The following SPTA1 variants were observed in gnomAD, a reference collection of about 807,000 sequenced individuals.
The protein encoded by SPTA1 is spectrin alpha chain, erythrocytic 1.
SPTA1 carries 177 observed loss-of-function variants against 324.7 expected under a neutral mutation model. The ratio of observed to expected loss-of-function variants is 0.55; its 90% CI spans 0.48 to 0.62. The LOEUF (loss-of-function observed/expected upper bound fraction) is 0.62, where lower values mean the gene tolerates loss of function less well. Ranked by LOEUF, SPTA1 falls within the 20% of genes least tolerant of loss-of-function variation. The pLI, the probability that SPTA1 is intolerant of heterozygous loss-of-function variation, is 0.00. For synonymous variants in SPTA1, 1,195 were observed against 1,041.3 expected, an observed-to-expected ratio of 1.15 and a Z score of -2.84; for missense variants, 3,162 against 2,883.6, an observed-to-expected ratio of 1.10 and a Z score of -2.21.
At chr1:158,633,691 G>C (rs945722238) in intron 39 of SPTA1, among the ~76,000 whole-genome samples, 1 of 146,608 alleles carries the variant, frequency 6.8e-6, no homozygotes, top group African/African-American at 2.5e-5. Flanking sequence ...AAAGAAAAAA[G>C]AAAAAGTTCT....
rs73020277 is a variant in SPTA1, at chr1:158,679,533, G to C, written c.679-999C>G. Among the ~76,000 whole-genome samples, 911 of 152,112 alleles carry C rather than the reference G, an allele frequency of 6.0e-3. 8 individuals are homozygous for C. The highest frequency in any genetic ancestry group is 0.021 in the African/African-American group (857 of 41,506). Reference sequence around the variant, plus strand: ...GTAACACTGGTATGTAAGAAGCATGGTCTACTGCATGATGAGAGGTCACCC... The same window carrying C: ...GTAACACTGGTATGTAAGAAGCATGCTCTACTGCATGATGAGAGGTCACCC... On this transcript the variant is annotated intron_variant, in intron 5 of 51. Transcript: ENST00000643759.
chr1:158,685,069 T>C (rs1478840623), intron 2 of SPTA1, 39 bp downstream of exon 2: 3 of 1,612,908 alleles, frequency 1.9e-6, no homozygotes, highest in Non-Finnish European at 2.5e-6. Flanking sequence ...TCTAGAGATC[T>C]TAGGGTCTGC....
chr1:158,630,050 T>C (rs1320481993), intron 39 of SPTA1, among the ~76,000 whole-genome samples: 1 of 152,014 alleles, frequency 6.6e-6, no homozygotes, highest in Non-Finnish European at 1.5e-5. Flanking sequence ...GAAGATTTAA[T>C]ATTGTTAAAA....
At chr1:158,665,200 G>T (rs544691365) in intron 16 of SPTA1, among the ~76,000 whole-genome samples, 9 of 152,006 alleles carry the variant, frequency 5.9e-5, no homozygotes, top group Admixed American at 2.6e-4. Flanking sequence ...TGCTTTTAAA[G>T]AAAAAAATTA....
rs773923538 is a variant in SPTA1 at position 158,611,344 on chromosome 1, G to T, written c.7180C>A (p.Gln2394Lys). The T allele has an allele frequency of 6.2e-7, 1 of 1,613,730 alleles. No individual in the cohort carries two copies. Among genetic ancestry groups the T allele is most frequent in the South Asian group, 1.1e-5 (1 of 91,082 alleles). ...QVSFCATHMQQYMDPRGRSHL... is the reference protein window; with the variant it reads ...QVSFCATHMQKYMDPRGRSHL... ...CTTCGACCCCGTGGGTCCATATATT[G>T]CTGCATATGTGTGGCACAGAATGAC... The change falls in exon 52 of 52, where the codon CAA becomes AAA. Residue 2394 changes from glutamine (Q) to lysine (K), a missense_variant. By Grantham distance (53) the Gln-to-Lys change is moderately conservative. Transcript: ENST00000643759.
At position 158,626,989 on chromosome 1, in the gene SPTA1, G is replaced by C; in HGVS notation, c.5683C>G (p.Gln1895Glu). The C allele has an allele frequency of 6.2e-7, 1 of 1,613,776 alleles. No homozygotes were observed. Among genetic ancestry groups the C allele is most frequent in the East Asian group, 2.2e-5 (1 of 44,866 alleles). The stretch of plus-strand genomic sequence containing the variant: ...ATCTTGGAAGAAATCTCTTTGTTCT[G>C]ACTTTCCTCCTGCAACACCTGTGAG... ...ILNKVLQEES[Q>E]NKEISSKIEA... is the part of the protein sequence containing the mutation. Residue 1895 changes from glutamine (Q) to glutamate (E), a missense_variant, in exon 41 of 52, where the codon CAG (glutamine) becomes GAG (glutamate). Physicochemically the swap from Gln to Glu is conservative, Grantham distance 29. Coordinates refer to ENST00000643759, the MANE Select transcript of SPTA1 (RefSeq NM_003126.4).
At chr1:158,643,299 T>C (rs367961313) in intron 31 of SPTA1, 23 bp downstream of exon 31, 5 of 1,612,996 alleles carry the variant, frequency 3.1e-6, no homozygotes, top group East Asian at 2.2e-5. Context: ...CTTTGGCACA[T>C]AAAACAATCA....
Position 158,614,172 on chromosome 1 carries a change from G to A in SPTA1, c.6842+81C>T, listed in dbSNP as rs777397777. ...ATTTAAGATTCCACCAAGCCTCACA[G>A]AGTGAGAGAAACATTATTTGTAGAC... On this transcript the variant is annotated intron_variant, in intron 49 of 51. Transcript: ENST00000643759. 4 of 1,142,630 alleles carry A rather than the reference G, an allele frequency of 3.5e-6. No individual in the cohort carries two copies. The African/African-American group carries it at 4.6e-5, about 13-fold the overall frequency. 70.8% of individuals were successfully genotyped at this position (1,142,630 alleles called of 1,614,324 possible). A position where few individuals can be genotyped will look rare whatever the true frequency, so the allele number is the denominator to read the frequency against.
intron 39 of SPTA1, among the ~76,000 whole-genome samples, chr1:158,630,615 C>T (rs1445024909): frequency 1.3e-5 from 2 of 151,492 alleles, no homozygotes; most frequent in African/African-American, 4.8e-5. Context: ...AAAGCACAGG[C>T]AACAAAAAGA....
chr1:158,656,683 G>T, intron 19 of SPTA1, 27 bp from the exon 20 acceptor site: 1 of 1,575,234 alleles, frequency 6.3e-7, no homozygotes, highest in Non-Finnish European at 8.7e-7. Context: ...AAGATCATCA[G>T]AATGAATATA....
intron 16 of SPTA1, 143 bp downstream of exon 16, chr1:158,666,173 A>T: frequency 3.0e-6 from 2 of 674,318 alleles, no homozygotes; most frequent in Non-Finnish European, 5.1e-6. Context: ...CTTAATAATC[A>T]GTGTGCTCAG....
chr1:158,674,458 A>G, intron 9 of SPTA1, 28 bp from the exon 10 acceptor site: 1 of 1,614,048 alleles, frequency 6.2e-7, no homozygotes, highest in Non-Finnish European at 8.5e-7. Flanking sequence ...AGTGTCTCAA[A>G]ATGCAGCAAG....
intron 40 of SPTA1, 40 bp downstream of exon 40, chr1:158,627,585 G>A: frequency 6.3e-7 from 1 of 1,591,582 alleles, no homozygotes; most frequent in Non-Finnish European, 8.6e-7. Flanking sequence ...GTCCCTTTTG[G>A]AGAATGGAAG....
rs773466647 is a variant in SPTA1 at position 158,647,589 on chromosome 1, C to T, written c.3846G>A (p.Lys1282=). The change falls in exon 27 of 52, where the codon AAG becomes AAA. Residue 1282 remains lysine (K), a synonymous_variant. Coordinates refer to ENST00000643759, the MANE Select transcript of SPTA1 (RefSeq NM_003126.4). ...ATTTCTGGGCCTCATTTAGGCTCTC[C>T]TTACGATCCTTTGTACGCCCCTGCA... ...EDLQGRTKDR[K]ESLNEAQKFY... 3.7e-6 allele frequency: 6 copies of T among 1,613,756 alleles called. No homozygotes were observed. The East Asian group carries it at 1.3e-4, about 36-fold the overall frequency.
chr1:158,674,704 A>G, intron 8 of SPTA1, 29 bp from the exon 9 acceptor site: 1 of 1,612,252 alleles, frequency 6.2e-7, no homozygotes, highest in East Asian at 2.2e-5. Context: ...AAAAGACAGG[A>G]AGGAGAAACC....
rs750817685 is a variant in SPTA1 at position 158,685,117 on chromosome 1, A to T, written c.255T>A (p.Thr85=). 4 of 1,613,634 alleles carry T rather than the reference A, an allele frequency of 2.5e-6. No homozygotes were observed. The highest frequency in any genetic ancestry group is 2.7e-5 in the African/African-American group (2 of 75,010). Residue 85 remains threonine (T), a synonymous_variant, in exon 2 of 52, where the codon ACT becomes ACA. Coordinates refer to ENST00000643759, the MANE Select transcript of SPTA1 (RefSeq NM_003126.4). ...ILTDKSYEDP[T]NIQGKYQKHQ... ...AAGAGAACTGAGTGACCTGTATATTAGTTGGGTCTTCATAGCTCTTATCGG... is the reference window on the plus strand; with the variant it reads ...AAGAGAACTGAGTGACCTGTATATTTGTTGGGTCTTCATAGCTCTTATCGG...
rs863931 is a variant in SPTA1, at chr1:158,642,446, A to G, written c.4702T>C (p.Cys1568Arg). 921,240 of 1,613,184 alleles carry G rather than the reference A, an allele frequency of 0.57. 264,753 individuals are homozygous for G. The highest frequency in any genetic ancestry group is 0.67 in the African/African-American group (50,206 of 74,886). The change falls in exon 33 of 52, where the codon TGT (cysteine) becomes CGT (arginine). Residue 1568 changes from cysteine to arginine, a missense_variant. By Grantham distance (180) the Cys-to-Arg change is radical. Coordinates refer to ENST00000643759, the MANE Select transcript of SPTA1 (RefSeq NM_003126.4). ...TCTTCATTGCCATCACAAGCGCTACACTCAATCAGGGAGTTCCCCAGGTTG... is the reference window on the plus strand; with the variant it reads ...TCTTCATTGCCATCACAAGCGCTACGCTCAATCAGGGAGTTCCCCAGGTTG... The part of the protein sequence containing the change: ...VINLGNSLIE[C>R]SACDGNEEAM...
chr1:158,644,667 G>C (rs1651860656), intron 29 of SPTA1, among the ~76,000 whole-genome samples: 1 of 152,042 alleles, frequency 6.6e-6, no homozygotes, highest in Non-Finnish European at 1.5e-5. Context: ...ATTTCCTTAA[G>C]ACTTTGTGAA....
rs1438079706 is a variant in SPTA1, at chr1:158,615,221, C to G, written c.6783G>C (p.Gln2261His). 3 of 1,613,192 alleles carry G rather than the reference C, an allele frequency of 1.9e-6. No homozygotes were observed. Among genetic ancestry groups the G allele is most frequent in the East Asian group, 2.2e-5 (1 of 44,878 alleles). ...TGGCCACACGCCCTCAATACTTGGC[C>G]TGGATCTGTTGCTCCAGGTTGTGTT... is the stretch of plus-strand genomic sequence containing the variant. The part of the protein sequence containing the change: ...RMQHNLEQQI[Q>H]AKDIKGVSEE... The change falls in exon 48 of 52, where the codon CAG (glutamine) becomes CAC (histidine). Residue 2261 changes from glutamine to histidine, a missense_variant. Transcript: ENST00000643759.
Sources: allele counts gnomAD v4.1 joint callset (sites outside exome capture counted in the v4.1 genomes callset), GRCh38; gene constraint gnomAD v4.1.1; transcripts MANE v1.5; gene names NCBI Gene and HGNC (gene_info 2026-07-23, HGNC 2026-07-21).